Variants in TRPC5 observed in about 807,000 individuals in gnomAD.
The protein encoded by TRPC5 is transient receptor potential cation channel subfamily C member 5, also known as short transient receptor potential channel 5.
In TRPC5, 9 loss-of-function variants were observed where a neutral mutation model predicts 56.5. The observed-to-expected ratio is 0.16, with a 90% CI of 0.10 to 0.28. TRPC5 has a LOEUF of 0.28. TRPC5 is among the 10% of genes least tolerant of loss of function. The pLI is 1.00. For synonymous variants in TRPC5, 282 were observed against 278.5 expected (o/e 1.01, Z -0.13); for missense variants, 469 against 748.9 (o/e 0.63, Z 4.36).
At chrX:111,921,131 A>C (rs1926116649) in intron 2 of TRPC5, among the ~76,000 whole-genome samples, 1 of 111,557 alleles carries the variant, frequency 9.0e-6, no homozygotes, top group Non-Finnish European at 1.9e-5. Context: ...TGGGAGAGCA[A>C]ACTTCTTCTG....
intron 6 of TRPC5, among the ~76,000 whole-genome samples, chrX:111,839,401 C>T (rs769107648): frequency 8.0e-5 from 9 of 111,813 alleles, no homozygotes; most frequent in Admixed American, 6.7e-4. Context: ...CTTTAGACCC[C>T]GCCATTTATT....
chrX:111,948,593 G>A (rs1308111330), intron 2 of TRPC5, among the ~76,000 whole-genome samples: 4 of 109,685 alleles, frequency 3.6e-5, no homozygotes, highest in African/African-American at 1.0e-4. Context: ...TTAGCCAGGC[G>A]TGGCGGTGTG....
At chrX:111,814,891 C>T (rs1162912483) in intron 7 of TRPC5, among the ~76,000 whole-genome samples, 1 of 110,889 alleles carries the variant, frequency 9.0e-6, no homozygotes, top group East Asian at 2.8e-4. Context: ...CAGGGCAAAC[C>T]TCAGAACTCA....
intron 7 of TRPC5, among the ~76,000 whole-genome samples, chrX:111,810,459 A>G (rs1250182912): frequency 8.9e-6 from 1 of 111,955 alleles, no homozygotes; most frequent in Non-Finnish European, 1.9e-5. Context: ...GGAGAACTTA[A>G]TCAAGTATTC....
At chrX:111,793,163 A>G (rs1946035491) in intron 7 of TRPC5, among the ~76,000 whole-genome samples, 1 of 110,909 alleles carries the variant, frequency 9.0e-6, no homozygotes, top group African/African-American at 3.3e-5. Context: ...GCTGTAGTTC[A>G]TCCTACCAAC....
intron 3 of TRPC5, 116 bp downstream of exon 3, chrX:111,912,175 G>A: frequency 3.4e-6 from 3 of 893,185 alleles, no homozygotes; most frequent in Non-Finnish European, 4.6e-6. Flanking sequence ...TGTGAGGCCT[G>A]CCCAACCATT....
At chrX:111,785,357 A>T (rs944048634) in intron 7 of TRPC5, among the ~76,000 whole-genome samples, 3 of 112,252 alleles carry the variant, frequency 2.7e-5, no homozygotes, top group African/African-American at 9.7e-5. Flanking sequence ...ACAGATGGGA[A>T]TAGCATCAAC....
At chrX:111,781,309 T>C (rs1945918118) in intron 8 of TRPC5, 103 bp from the exon 9 acceptor site, 13 of 722,092 alleles carry the variant, frequency 1.8e-5, no homozygotes, top group Non-Finnish European at 2.3e-5. Flanking sequence ...GACTAGAGAA[T>C]GCTACAGGAG....
chrX:111,949,393 T>G (rs1312057654), intron 2 of TRPC5, among the ~76,000 whole-genome samples: 1 of 111,622 alleles, frequency 9.0e-6, no homozygotes, highest in Non-Finnish European at 1.9e-5. Flanking sequence ...GCAGCAGAGT[T>G]AACAAACAAC....
chrX:112,067,928 A>C (rs1437309519), intron 1 of TRPC5, among the ~76,000 whole-genome samples: 2 of 112,460 alleles, frequency 1.8e-5, no homozygotes, highest in African/African-American at 6.5e-5. Flanking sequence ...TTGATTTATA[A>C]GCATGTTCAC....
intron 1 of TRPC5, among the ~76,000 whole-genome samples, chrX:112,077,000 G>A (rs7058086): frequency 0.033 from 3,718 of 111,970 alleles, 139 homozygotes; most frequent in African/African-American, 0.11. Flanking sequence ...TAGCCAAATC[G>A]TATGAATTAT....
In TRPC5 at chrX:111,907,333, A is replaced by T. The variant is rs768790512; in HGVS notation, c.900+4958T>A. ...AGCTGAGTTAACTTGCCATAAACAT[A>T]ATGCGAGCATAGGACTGGCGCGGTG... On this transcript the variant is annotated intron_variant, in intron 3 of 10. Transcript: ENST00000262839. 4.5e-5 allele frequency among the ~76,000 whole-genome samples: 5 copies of T among 111,385 alleles called. No homozygotes were observed. In the East Asian group the frequency reaches 1.4e-3, roughly 32 times the overall value.
intron 1 of TRPC5, among the ~76,000 whole-genome samples, chrX:111,962,127 T>C (rs1927400132): frequency 9.0e-6 from 1 of 111,142 alleles, no homozygotes; most frequent in Non-Finnish European, 1.9e-5. Flanking sequence ...AAAATATCTA[T>C]CAGGTAGGGT....
At chrX:111,979,064 A>G (rs907834160) in intron 1 of TRPC5, among the ~76,000 whole-genome samples, 5 of 111,258 alleles carry the variant, frequency 4.5e-5, no homozygotes, top group African/African-American at 9.8e-5. Context: ...GAAATGAAAG[A>G]TGTACACATT....
At chrX:112,012,332 C>T (rs1929012631) in intron 1 of TRPC5, among the ~76,000 whole-genome samples, 2 of 111,974 alleles carry the variant, frequency 1.8e-5, no homozygotes, top group Admixed American at 9.5e-5. Context: ...CTCACAATAT[C>T]CTGTACAGAG....
intron 1 of TRPC5, among the ~76,000 whole-genome samples, chrX:111,968,972 TAATAAAATAA>T (rs574801408): frequency 0.076 from 7,102 of 93,408 alleles, 314 homozygotes; most frequent in Non-Finnish European, 0.11. Flanking sequence ...ACTTAAAGTA[TAATAAAATAA>T]AATAAAATAA....
At chrX:111,948,303 G>T (rs1164176508) in intron 2 of TRPC5, among the ~76,000 whole-genome samples, 4 of 111,782 alleles carry the variant, frequency 3.6e-5, no homozygotes, top group African/African-American at 9.8e-5. Context: ...GGACTGGAAA[G>T]ACCATTGCCT....
chrX:112,009,627 C>T (rs187296403), intron 1 of TRPC5, among the ~76,000 whole-genome samples: 2 of 111,787 alleles, frequency 1.8e-5, no homozygotes, highest in Non-Finnish European at 1.9e-5. Flanking sequence ...TGAACTCTGA[C>T]GCATAAAGGC....
At chrX:111,825,171 CTTT>C (rs1448790581) in intron 7 of TRPC5, among the ~76,000 whole-genome samples, 14 of 77,692 alleles carry the variant, frequency 1.8e-4, no homozygotes, top group Non-Finnish European at 3.1e-4. Flanking sequence ...TTCTTTCTTT[CTTT>C]CTTTCTTTCT....
Sources: allele counts gnomAD v4.1 joint callset (sites outside exome capture counted in the v4.1 genomes callset), GRCh38; gene constraint gnomAD v4.1.1; transcripts MANE v1.5; gene names NCBI Gene and HGNC (gene_info 2026-07-23, HGNC 2026-07-21).